GNAO1: variants seen among roughly 807,000 people sequenced by gnomAD.
The protein encoded by GNAO1 is guanine nucleotide-binding protein G(o) subunit alpha.
For missense variants in GNAO1, 166 were observed against 478.7 expected (o/e 0.35, Z 6.10); for synonymous variants, 164 against 180.7 (o/e 0.91, Z 0.74).
intron 3 of GNAO1, among the ~76,000 whole-genome samples, chr16:56,283,527 G>GT (rs2037134506): frequency 6.6e-6 from 1 of 152,208 alleles, no homozygotes; most frequent in Non-Finnish European, 1.5e-5. Flanking sequence ...AGGACACTAT[G>GT]TTTTTTAATA....
intron 3 of GNAO1, among the ~76,000 whole-genome samples, chr16:56,325,582 C>T (rs2037623451): frequency 6.6e-6 from 1 of 152,072 alleles, no homozygotes; most frequent in Admixed American, 6.5e-5. Context: ...ACTCTCAGAC[C>T]CCAGTGGGGT....
chr16:56,299,836 T>C (rs2037323785), intron 3 of GNAO1, among the ~76,000 whole-genome samples: 1 of 152,174 alleles, frequency 6.6e-6, no homozygotes, highest in African/African-American at 2.4e-5. Flanking sequence ...ATTACTCTGC[T>C]GGGAGAAATC....
At chr16:56,192,944 CTG>C (rs1224012987) in intron 2 of GNAO1, 1 of 259,344 alleles carries the variant, frequency 3.9e-6, no homozygotes, top group African/African-American at 2.2e-5. Flanking sequence ...GGAATATTTT[CTG>C]TGTCTCACTG....
At chr16:56,261,033 G>T (rs905121653) in intron 2 of GNAO1, among the ~76,000 whole-genome samples, 2 of 152,198 alleles carry the variant, frequency 1.3e-5, no homozygotes, top group Non-Finnish European at 2.9e-5. Flanking sequence ...GATGTTTGGG[G>T]ACCTGACCCA....
At chr16:56,226,115 G>C (rs2036530944) in intron 2 of GNAO1, among the ~76,000 whole-genome samples, 1 of 152,106 alleles carries the variant, frequency 6.6e-6, no homozygotes, top group African/African-American at 2.4e-5. Flanking sequence ...TGTGGCTGCT[G>C]TGTGGAGGAC....
At chr16:56,201,033 G>C (rs1263330039) in intron 2 of GNAO1, among the ~76,000 whole-genome samples, 1 of 152,208 alleles carries the variant, frequency 6.6e-6, no homozygotes, top group African/African-American at 2.4e-5. Flanking sequence ...TTTGTGGGTA[G>C]CATACACACA....
At position 56,259,577 on chromosome 16, in the gene GNAO1, G is replaced by A. The variant is rs147417175; in HGVS notation, c.162-16354G>A. On this transcript the variant is annotated intron_variant, in intron 2 of 8. Transcript: ENST00000262493. The stretch of plus-strand genomic sequence containing the variant: ...TGACTGTGATGGTGATCCCGACAGT[G>A]TCAGAGCTCTCCCTAGACAGTCTTC... Among the ~76,000 whole-genome samples the A allele has an allele frequency of 2.2e-3, 342 of 152,356 alleles. 1 individual carries two copies. Among genetic ancestry groups the A allele is most frequent in the African/African-American group, 7.8e-3 (323 of 41,590 alleles).
intron 2 of GNAO1, chr16:56,235,069 A>G (rs1342056941): frequency 3.0e-6 from 1 of 328,578 alleles, no homozygotes; most frequent in Admixed American, 4.1e-5. Flanking sequence ...AAAGACACCT[A>G]TTCGCTGACC....
At chr16:56,284,968 A>T (rs1421290043) in intron 3 of GNAO1, among the ~76,000 whole-genome samples, 1 of 152,076 alleles carries the variant, frequency 6.6e-6, no homozygotes, top group Non-Finnish European at 1.5e-5. Context: ...TGGAGCAGGC[A>T]CTCAGCCTCC....
intron 3 of GNAO1, among the ~76,000 whole-genome samples, chr16:56,277,585 A>G (rs1256846552): frequency 1.3e-5 from 2 of 152,184 alleles, no homozygotes; most frequent in African/African-American, 2.4e-5. Context: ...CCAGGCACAT[A>G]CTAAGCACTT....
intron 2 of GNAO1, among the ~76,000 whole-genome samples, chr16:56,238,396 G>A (rs1372276147): frequency 3.3e-5 from 5 of 152,208 alleles, no homozygotes; most frequent in South Asian, 4.1e-4. Context: ...GAGGCACAGC[G>A]GGTTCTAACA....
At chr16:56,337,735 A>G (rs2037756771) in intron 6 of GNAO1, among the ~76,000 whole-genome samples, 1 of 152,210 alleles carries the variant, frequency 6.6e-6, no homozygotes, top group Admixed American at 6.5e-5. Context: ...AGCAGCGCCA[A>G]GCTGGTGGTT....
intron 6 of GNAO1, among the ~76,000 whole-genome samples, chr16:56,342,000 C>T (rs541185320): frequency 1.3e-5 from 2 of 152,208 alleles, no homozygotes; most frequent in African/African-American, 2.4e-5. Context: ...CTCCTGCCTC[C>T]GCCCATCCCC....
At chr16:56,301,580 A>G (rs1160008998) in intron 3 of GNAO1, 2 of 152,142 alleles carry the variant, frequency 1.3e-5, no homozygotes, top group Non-Finnish European at 2.9e-5. Flanking sequence ...ATGTATGTGC[A>G]TGTGTGTGGA....
chr16:56,269,644 G>A (rs984840945), intron 2 of GNAO1, among the ~76,000 whole-genome samples: 2 of 152,186 alleles, frequency 1.3e-5, no homozygotes, highest in African/African-American at 2.4e-5. Context: ...TAAAGGGATT[G>A]TGATGGAGGA....
chr16:56,296,695 C>T (rs2037291093), intron 3 of GNAO1, among the ~76,000 whole-genome samples: 1 of 152,144 alleles, frequency 6.6e-6, no homozygotes, highest in African/African-American at 2.4e-5. Flanking sequence ...AGCTAGAGCC[C>T]AGCACAGGTG....
chr16:56,236,042 C>T (rs939901594), intron 2 of GNAO1, among the ~76,000 whole-genome samples: 4 of 152,132 alleles, frequency 2.6e-5, no homozygotes, highest in Non-Finnish European at 5.9e-5. Flanking sequence ...AGCTGGGTAC[C>T]AGGTCTCCAC....
At chr16:56,289,001 C>T (rs1363113874) in intron 3 of GNAO1, among the ~76,000 whole-genome samples, 1 of 150,640 alleles carries the variant, frequency 6.6e-6, no homozygotes. Context: ...AGGTGATTGC[C>T]AAGCACAAGG....
intron 3 of GNAO1, among the ~76,000 whole-genome samples, chr16:56,300,043 G>GCGCGCGCGCGCA (rs1300248042): frequency 1.3e-3 from 124 of 92,196 alleles, no homozygotes; most frequent in African/African-American, 5.2e-3. Flanking sequence ...GTGTGCGCGC[G>GCGCGCGCGCGCA]CGCGCGCGCA....
Sources: gnomAD v4.1 joint callset for allele counts (sites outside exome capture counted in the v4.1 genomes callset) on GRCh38, gnomAD v4.1.1 for gene constraint, MANE v1.5 for transcripts, NCBI Gene and HGNC (gene_info 2026-07-23, HGNC 2026-07-21) for gene names.